DNER: variants seen among roughly 807,000 people sequenced by gnomAD.
The protein encoded by DNER is delta/notch like EGF repeat containing.
Under a neutral mutation model 78.2 loss-of-function variants are expected in DNER, and 33 were observed. That is an observed-to-expected ratio of 0.42 (90% CI 0.32 to 0.56). The LOEUF (loss-of-function observed/expected upper bound fraction) is 0.56, where lower values mean the gene tolerates loss of function less well. Ranked by LOEUF, DNER falls within the 20% of genes least tolerant of loss-of-function variation. DNER has a pLI of 0.11. For synonymous variants in DNER, 417 were observed against 384.8 expected (o/e 1.08, Z -0.98); for missense variants, 918 against 975.3 (o/e 0.94, Z 0.78).
Position 229,367,107 on chromosome 2 carries a change from T to A in DNER, c.1868A>T (p.Lys623Met). The A allele has an allele frequency of 1.2e-6, 2 of 1,614,146 alleles. No individual in the cohort carries two copies. The highest frequency in any genetic ancestry group is 1.7e-6 in the Non-Finnish European group (2 of 1,180,028). ...GAGGCTCTCCGCCATGTGCCCGGAC[T>A]TCCATTGGAGGTCTGCAGGCAAAAA... ...GANCEIHLQW[K>M]SGHMAESLTN... The change falls in exon 12 of 13, where the codon AAG (lysine) becomes ATG (methionine). Residue 623 changes from lysine to methionine, a missense_variant. Physicochemically the swap from Lys to Met is moderately conservative, Grantham distance 95 (BLOSUM62 -1). Coordinates refer to ENST00000341772, the MANE Select transcript of DNER (RefSeq NM_139072.4).
intron 5 of DNER, among the ~76,000 whole-genome samples, chr2:229,516,352 G>A (rs1280121984): frequency 1.3e-5 from 2 of 152,122 alleles, no homozygotes; most frequent in Non-Finnish European, 2.9e-5. Context: ...AACCATGTTT[G>A]ACCACTGAAG....
intron 1 of DNER, among the ~76,000 whole-genome samples, chr2:229,634,270 C>T (rs72993233): frequency 0.21 from 31,858 of 151,986 alleles, 3,499 homozygotes; most frequent in South Asian, 0.29. Context: ...TCCTTCCTTC[C>T]TTCCTTCCTT....
intron 11 of DNER, among the ~76,000 whole-genome samples, chr2:229,376,788 G>A (rs1479234096): frequency 2.6e-5 from 4 of 152,136 alleles, no homozygotes; most frequent in Non-Finnish European, 5.9e-5. Context: ...TCTAACAGTA[G>A]TTACCTTTAA....
intron 4 of DNER, among the ~76,000 whole-genome samples, chr2:229,582,671 A>G (rs894829685): frequency 1.8e-4 from 27 of 152,002 alleles, no homozygotes; most frequent in African/African-American, 6.0e-4. Context: ...TTGGAGTCTC[A>G]CTCTGCTGCC....
chr2:229,398,282 C>CA lies in DNER; in HGVS notation c.1723+8949dup, dbSNP rs1038070175. On this transcript the variant is annotated intron_variant, in intron 10 of 12. Transcript: ENST00000341772. ...CAACTTAAAAAATGCACTACTTCCT[C>CA]AAAAAAAAATCACAACTCATCAAAT... is the stretch of plus-strand genomic sequence containing the variant. Among the ~76,000 whole-genome samples, 14 of 151,418 alleles carry CA rather than the reference C, an allele frequency of 9.2e-5. No homozygotes were observed. The East Asian group carries it at 2.1e-3, about 23-fold the overall frequency.
chr2:229,676,772 G>A (rs1699307747), intron 1 of DNER, among the ~76,000 whole-genome samples: 2 of 152,176 alleles, frequency 1.3e-5, no homozygotes, highest in Admixed American at 6.5e-5. Context: ...AGAAGTCACG[G>A]TAAGGGTGGA....
intron 6 of DNER, among the ~76,000 whole-genome samples, chr2:229,481,963 C>A (rs968067771): frequency 2.6e-5 from 4 of 152,324 alleles, no homozygotes; most frequent in East Asian, 1.9e-4. Flanking sequence ...GTGGGCAAGA[C>A]ATGGAGAAAA....
At chr2:229,709,890 A>T (rs1304959001) in intron 1 of DNER, among the ~76,000 whole-genome samples, 1 of 152,188 alleles carries the variant, frequency 6.6e-6, no homozygotes, top group Non-Finnish European at 1.5e-5. Context: ...CGGACAGCCC[A>T]ATAGAAGGAG....
At chr2:229,449,551 C>A (rs183202567) in intron 7 of DNER, among the ~76,000 whole-genome samples, 1 of 151,744 alleles carries the variant, frequency 6.6e-6, no homozygotes, top group Non-Finnish European at 1.5e-5. Context: ...CCCAAGATTG[C>A]ATCTTATGAC....
rs557148657 is a variant in DNER, at chr2:229,674,468, G to A, written c.276+39680C>T. On this transcript the variant is annotated intron_variant, in intron 1 of 12. Transcript: ENST00000341772. ...TGATTTTTGTATTTTTACTAGAGAT[G>A]GGGTTTCACCATGTTGACCAGGCTG... Among the ~76,000 whole-genome samples the A allele has an allele frequency of 1.1e-4, 16 of 152,246 alleles. No individual in the cohort carries two copies. In the South Asian group the frequency reaches 3.1e-3, roughly 30 times the overall value.
chr2:229,447,080 A>T (rs1295423873), intron 8 of DNER, among the ~76,000 whole-genome samples: 1 of 152,170 alleles, frequency 6.6e-6, no homozygotes, highest in African/African-American at 2.4e-5. Context: ...GAAATGATGA[A>T]AGAGTATTTT....
chr2:229,624,416 C>G (rs928917802), intron 1 of DNER, among the ~76,000 whole-genome samples: 1 of 152,102 alleles, frequency 6.6e-6, no homozygotes, highest in African/African-American at 2.4e-5. Context: ...ACCTAAAAGT[C>G]CGTTCTTCAA....
intron 4 of DNER, among the ~76,000 whole-genome samples, chr2:229,572,161 C>A (rs1697229481): frequency 6.6e-6 from 1 of 152,152 alleles, no homozygotes; most frequent in Admixed American, 6.6e-5. Flanking sequence ...TCACACCGTT[C>A]CCCTTTACCC....
At position 229,597,083 on chromosome 2, in the gene DNER, GCACACATGCACA is replaced by G. The variant is rs6147216; in HGVS notation, c.277-5207_277-5196del. On this transcript the variant is annotated intron_variant, in intron 1 of 12. Transcript: ENST00000341772. The stretch of plus-strand genomic sequence containing the variant: ...CACACAAATGAACACAAACATGTGT[GCACACATGCACA>G]CACACATGCACACACACATGCACAC... 2.4e-3 allele frequency among the ~76,000 whole-genome samples: 362 copies of G among 151,340 alleles called. 1 individual carries two copies. Among genetic ancestry groups the G allele is most frequent in the South Asian group, 3.8e-3 (18 of 4,776 alleles).
At chr2:229,645,889 A>G (rs949424220) in intron 1 of DNER, among the ~76,000 whole-genome samples, 1 of 152,212 alleles carries the variant, frequency 6.6e-6, no homozygotes, top group Admixed American at 6.5e-5. Context: ...CAGAGCAGAC[A>G]CAAACAACTA....
chr2:229,394,781 G>A (rs1441489011), intron 10 of DNER, among the ~76,000 whole-genome samples: 1 of 152,238 alleles, frequency 6.6e-6, no homozygotes, highest in South Asian at 2.1e-4. Context: ...AAAATGGCTT[G>A]AGGGGGAATT....
At chr2:229,605,216 A>G (rs190753171) in intron 1 of DNER, among the ~76,000 whole-genome samples, 4 of 152,336 alleles carry the variant, frequency 2.6e-5, no homozygotes, top group Admixed American at 6.5e-5. Context: ...ATTGTGAAGC[A>G]GAGAAACAAG....
intron 5 of DNER, among the ~76,000 whole-genome samples, chr2:229,542,615 T>C (rs570565320): frequency 6.6e-6 from 1 of 152,192 alleles, no homozygotes; most frequent in East Asian, 1.9e-4. Context: ...GAGTGGATTC[T>C]TACATTGGGT....
intron 6 of DNER, among the ~76,000 whole-genome samples, chr2:229,478,417 G>A (rs956152330): frequency 6.6e-6 from 1 of 152,206 alleles, no homozygotes; most frequent in Non-Finnish European, 1.5e-5. Context: ...GTAAATTACA[G>A]ATTGGGAATG....
Sources: gnomAD v4.1 joint callset for allele counts (sites outside exome capture counted in the v4.1 genomes callset) on GRCh38, gnomAD v4.1.1 for gene constraint, MANE v1.5 for transcripts, NCBI Gene and HGNC (gene_info 2026-07-23, HGNC 2026-07-21) for gene names.